SPTBN4: variants seen among roughly 807,000 people sequenced by gnomAD.
The protein encoded by SPTBN4 is spectrin beta, non-erythrocytic 4.
In SPTBN4, 96 loss-of-function variants were observed where a neutral mutation model predicts 277.8. The ratio of observed to expected loss-of-function variants is 0.35; its 90% CI spans 0.29 to 0.41. The LOEUF is 0.41. Among genes scored for constraint, SPTBN4 ranks in the 10% least tolerant of loss-of-function variants. The pLI, the probability that SPTBN4 is intolerant of heterozygous loss-of-function variation, is 1.00. For synonymous variants in SPTBN4, 1,481 were observed against 1,580.3 expected, an observed-to-expected ratio of 0.94 and a Z score of 1.49; for missense variants, 3,006 against 3,595.7, an observed-to-expected ratio of 0.84 and a Z score of 4.19.
intron 20 of SPTBN4, among the ~76,000 whole-genome samples, chr19:40,544,780 A>G (rs553044094): frequency 7.9e-5 from 12 of 151,288 alleles, no homozygotes; most frequent in African/African-American, 2.7e-4. Flanking sequence ...ACACTTGGCT[A>G]TTTTTCCATA....
intron 7 of SPTBN4, among the ~76,000 whole-genome samples, chr19:40,501,030 A>T (rs1442149193): frequency 6.6e-6 from 1 of 152,168 alleles, no homozygotes; most frequent in Non-Finnish European, 1.5e-5. Flanking sequence ...GGAGAATAAC[A>T]TGAGGATTAT....
chr19:40,505,617 C>T (rs751861256), intron 12 of SPTBN4, among the ~76,000 whole-genome samples: 7 of 151,386 alleles, frequency 4.6e-5, no homozygotes, highest in Non-Finnish European at 7.4e-5. Flanking sequence ...TTGCAGTGAG[C>T]TGAGATCGCG....
At chr19:40,471,614 C>T (rs1207139452) in intron 1 of SPTBN4, among the ~76,000 whole-genome samples, 4 of 152,072 alleles carry the variant, frequency 2.6e-5, no homozygotes, top group African/African-American at 9.7e-5. Flanking sequence ...GCCATATTGC[C>T]CAGTTTGGAG....
rs2080128838 is a variant in SPTBN4 at position 40,490,870 on chromosome 19, A to C, written c.495+622A>C. ...TGAGACCAGCCTGGCCAACATAATG[A>C]GACCTTAAATAAATTTAAAAAATTA... On this transcript the variant is annotated intron_variant, in intron 4 of 35. Coordinates refer to ENST00000598249, the MANE Select transcript of SPTBN4 (RefSeq NM_020971.3). The surrounding 1 kb of genome is among the most constrained non-coding windows in gnomAD (Gnocchi z 4.3). 6.6e-6 allele frequency among the ~76,000 whole-genome samples: 1 copy of C among 152,058 alleles called. No individual in the cohort carries two copies. The highest frequency in any genetic ancestry group is 1.5e-5 in the Non-Finnish European group (1 of 68,020).
intron 15 of SPTBN4, among the ~76,000 whole-genome samples, chr19:40,518,233 G>GA (rs2080482570): frequency 6.6e-6 from 1 of 152,150 alleles, no homozygotes; most frequent in Admixed American, 6.5e-5. Context: ...ATGAACCTGG[G>GA]AGGCGGAGGT....
Position 40,496,472 on chromosome 19 carries a change from T to C in SPTBN4, c.669-1017T>C, listed in dbSNP as rs192078789. On this transcript the variant is annotated intron_variant, in intron 6 of 35. Coordinates refer to ENST00000598249, the MANE Select transcript of SPTBN4 (RefSeq NM_020971.3). ...GCTAATTTTGTTTGTTTAGTGGAGA[T>C]GGGGTTTCACCATTTGGGCCAGGCT... Among the ~76,000 whole-genome samples, 726 of 152,132 alleles carry C rather than the reference T, an allele frequency of 4.8e-3. 5 individuals carry two copies. The highest frequency in any genetic ancestry group is 7.0e-3 in the Non-Finnish European group (474 of 67,980).
intron 18 of SPTBN4, among the ~76,000 whole-genome samples, chr19:40,530,103 G>C (rs1033224984): frequency 6.6e-6 from 1 of 152,024 alleles, no homozygotes; most frequent in African/African-American, 2.4e-5. Context: ...AGATGTTCCA[G>C]GTCGCCCTCC....
In SPTBN4 at chr19:40,497,072, CAA is replaced by C. The variant is rs35856852; in HGVS notation, c.669-395_669-394del. ...TGGGTGACAGAGCGAGACTCCATCTCAAAAAAAAAAAAAAAAAAAAAAAGAGG... is the reference window on the plus strand; with the variant it reads ...TGGGTGACAGAGCGAGACTCCATCTCAAAAAAAAAAAAAAAAAAAAAGAGG... On this transcript the variant is annotated intron_variant, in intron 6 of 35. Coordinates refer to ENST00000598249, the MANE Select transcript of SPTBN4 (RefSeq NM_020971.3). Among the ~76,000 whole-genome samples the C allele has an allele frequency of 1.3e-3, 78 of 59,608 alleles. No individual in the cohort carries two copies. The Middle Eastern group carries it at 0.023, about 18-fold the overall frequency. The allele number at this position is 59,608 out of a possible 152,430, so 39.1% of individuals were successfully genotyped here.
At chr19:40,558,878 G>C (rs1222419774) in intron 26 of SPTBN4, among the ~76,000 whole-genome samples, 1 of 149,184 alleles carries the variant, frequency 6.7e-6, no homozygotes, top group African/African-American at 2.5e-5. Context: ...AAAGTGCTGG[G>C]ATTACAGGCA....
At chr19:40,566,947 A>C (rs1033264303) in intron 30 of SPTBN4, 7 of 284,410 alleles carry the variant, frequency 2.5e-5, no homozygotes, top group Non-Finnish European at 5.0e-5. Flanking sequence ...ACAGAACAAG[A>C]CTCCATCTCA....
intron 13 of SPTBN4, among the ~76,000 whole-genome samples, chr19:40,511,907 G>T (rs814532): frequency 0.48 from 73,400 of 151,758 alleles, 19,794 homozygotes; most frequent in African/African-American, 0.74. Context: ...GTGGATCACT[G>T]GAGGTCAGGA....
chr19:40,494,518 CATCT>C (rs2080172906), intron 5 of SPTBN4, among the ~76,000 whole-genome samples: 1 of 151,378 alleles, frequency 6.6e-6, no homozygotes, highest in African/African-American at 2.4e-5. Flanking sequence ...ATATATCTAT[CATCT>C]ATCAACCTAT....
intron 2 of SPTBN4, among the ~76,000 whole-genome samples, chr19:40,475,503 C>T (rs936677679): frequency 2.0e-5 from 3 of 151,964 alleles, no homozygotes; most frequent in Non-Finnish European, 4.4e-5. Flanking sequence ...CTCTGTTGCC[C>T]AGGCTGGAGT....
At chr19:40,480,643 C>T (rs1465816307) in intron 2 of SPTBN4, among the ~76,000 whole-genome samples, 2 of 152,090 alleles carry the variant, frequency 1.3e-5, no homozygotes, top group East Asian at 3.9e-4. Flanking sequence ...TCCATGTCTC[C>T]CTGTGCTTGT....
At chr19:40,501,466 C>T (rs946419512) in intron 7 of SPTBN4, among the ~76,000 whole-genome samples, 11 of 151,654 alleles carry the variant, frequency 7.3e-5, no homozygotes, top group South Asian at 2.1e-4. Context: ...GTCAGCAGTT[C>T]GAGACCAGCC....
rs768264232 is a variant in SPTBN4 at position 40,554,734 on chromosome 19, C to T, written c.5084+88C>T. 6 of 1,541,176 alleles carry T rather than the reference C, an allele frequency of 3.9e-6. No individual in the cohort carries two copies. Among genetic ancestry groups the T allele is most frequent in the Non-Finnish European group, 4.4e-6 (5 of 1,141,776 alleles). ...GAGTTGGCGCAGCGCTGGAATTGGA[C>T]GTTGGGTGGGAGAGGTCCTCCTTGC... On this transcript the variant is annotated intron_variant, in intron 24 of 35. Coordinates refer to ENST00000598249, the MANE Select transcript of SPTBN4 (RefSeq NM_020971.3). This position sits in a 1 kb window ranked among gnomAD's most constrained non-coding sequence, Gnocchi z 5.7.
At position 40,573,970 on chromosome 19, in the gene SPTBN4, C is replaced by T. The variant is rs370044055; in HGVS notation, c.7537-1441C>T. On this transcript the variant is annotated intron_variant, in intron 35 of 35. Coordinates refer to ENST00000598249, the MANE Select transcript of SPTBN4 (RefSeq NM_020971.3). The stretch of plus-strand genomic sequence containing the variant: ...CAAAAAAATTAGCTGGGCATGGTGG[C>T]GGGCGCCTGTAGTCCCAGCTACTTG... 7.4e-3 allele frequency among the ~76,000 whole-genome samples: 1,112 copies of T among 149,844 alleles called. 7 individuals are homozygous for T. The highest frequency in any genetic ancestry group is 0.011 in the Non-Finnish European group (709 of 67,514).
At chr19:40,530,464 C>G (rs895233228) in intron 18 of SPTBN4, 1 of 973,290 alleles carries the variant, frequency 1.0e-6, no homozygotes, top group East Asian at 1.2e-4. Context: ...CGCGCGGGGG[C>G]GAGGGAGGGG....
intron 18 of SPTBN4, 110 bp from the exon 19 acceptor site, chr19:40,532,515 C>A: frequency 7.3e-7 from 1 of 1,375,418 alleles, no homozygotes; most frequent in Middle Eastern, 2.3e-4. Flanking sequence ...CTATTCCTTC[C>A]ACCCATACAC....
Sources: allele counts gnomAD v4.1 joint callset (sites outside exome capture counted in the v4.1 genomes callset), GRCh38; gene constraint gnomAD v4.1.1; non-coding constraint Gnocchi (gnomAD v3.1); transcripts MANE v1.5; gene names NCBI Gene and HGNC (gene_info 2026-07-23, HGNC 2026-07-21).